Variants in EYA2 observed in about 807,000 individuals in gnomAD.
EYA2 encodes the protein EYA transcriptional coactivator and phosphatase 2, also known as protein phosphatase EYA2.
In EYA2, 31 loss-of-function variants were observed where a neutral mutation model predicts 69.2. That is an observed-to-expected ratio of 0.45 (90% CI 0.34 to 0.60). EYA2 has a LOEUF of 0.60. Among genes scored for constraint, EYA2 ranks in the 20% least tolerant of loss-of-function variants. The probability of loss-of-function intolerance (pLI) is 0.02; values close to 1 mark genes in which losing one functional copy is unlikely to be tolerated. For missense variants in EYA2, 622 were observed against 701.2 expected (o/e 0.89, Z 1.28); for synonymous variants, 257 against 279.4 (o/e 0.92, Z 0.80).
chr20:46,963,236 T>C (rs1177852926), intron 1 of EYA2, among the ~76,000 whole-genome samples: 1 of 152,210 alleles, frequency 6.6e-6, no homozygotes, highest in African/African-American at 2.4e-5. Context: ...CTTGTCTCAG[T>C]GTCTGCTCCT....
At position 46,905,630 on chromosome 20, in the gene EYA2, C is replaced by T. The variant is rs1004536699; in HGVS notation, c.-11+10643C>T. On this transcript the variant is annotated intron_variant, in intron 1 of 15. Transcript: ENST00000327619. The stretch of plus-strand genomic sequence containing the variant: ...GAAGTGACTTCCTCCTCAGACCAGG[C>T]CAGGCCCTTGGCTATGGTGTGGGAC... Among the ~76,000 whole-genome samples, 3 of 152,188 alleles carry T rather than the reference C, an allele frequency of 2.0e-5. No individual in the cohort carries two copies. In the South Asian group the frequency reaches 6.2e-4, roughly 32 times the overall value.
At chr20:46,923,089 C>G (rs905241552) in intron 1 of EYA2, among the ~76,000 whole-genome samples, 3 of 152,168 alleles carry the variant, frequency 2.0e-5, no homozygotes, top group African/African-American at 7.2e-5. Flanking sequence ...TAGATGAGGC[C>G]GGGCACGGTG....
chr20:47,051,462 C>G (rs890511459), intron 5 of EYA2, among the ~76,000 whole-genome samples: 1 of 152,198 alleles, frequency 6.6e-6, no homozygotes, highest in Non-Finnish European at 1.5e-5. Context: ...AGATGAAGAA[C>G]AAGCCCCCGA....
At chr20:47,062,347 T>G (rs1377638648) in intron 5 of EYA2, among the ~76,000 whole-genome samples, 1 of 152,218 alleles carries the variant, frequency 6.6e-6, no homozygotes, top group East Asian at 1.9e-4. Flanking sequence ...GATCTGGAGT[T>G]GAACAGGCCC....
intron 5 of EYA2, among the ~76,000 whole-genome samples, chr20:47,031,807 A>G (rs1297368248): frequency 6.6e-6 from 1 of 152,110 alleles, no homozygotes; most frequent in Non-Finnish European, 1.5e-5. Flanking sequence ...CCATCTGATC[A>G]TTGGCAGGGG....
intron 1 of EYA2, among the ~76,000 whole-genome samples, chr20:46,930,485 C>G (rs1985619441): frequency 6.6e-6 from 1 of 151,956 alleles, no homozygotes; most frequent in African/African-American, 2.4e-5. Context: ...ACACGAAGCT[C>G]AGTTGTCCTC....
chr20:46,924,435 C>T (rs1600548116), intron 1 of EYA2, among the ~76,000 whole-genome samples: 1 of 152,228 alleles, frequency 6.6e-6, no homozygotes, highest in Admixed American at 6.5e-5. Context: ...CTTTGGGAGG[C>T]CGAGGTGGGT....
At chr20:47,010,706 A>AT (rs1568722345) in intron 4 of EYA2, among the ~76,000 whole-genome samples, 19 of 148,950 alleles carry the variant, frequency 1.3e-4, no homozygotes, top group African/African-American at 3.7e-4. Context: ...TACAAATATA[A>AT]ATATAATATA....
intron 1 of EYA2, among the ~76,000 whole-genome samples, chr20:46,986,417 C>CTA (rs375276401): frequency 1.4e-4 from 19 of 139,276 alleles, no homozygotes; most frequent in South Asian, 1.3e-3. Flanking sequence ...TATATAATAT[C>CTA]TATATATATA....
At position 47,042,847 on chromosome 20, in the gene EYA2, C is replaced by T. The variant is rs972219703; in HGVS notation, c.415+26550C>T. Among the ~76,000 whole-genome samples the T allele has an allele frequency of 2.0e-5, 3 of 152,190 alleles. No individual in the cohort carries two copies. The South Asian group carries it at 6.2e-4, about 32-fold the overall frequency. ...AGAAAAGCAAGAAGGAGCAATGCCA[C>T]AATCAGGAAAGCCGAAGTTTTCAGG... On this transcript the variant is annotated intron_variant, in intron 5 of 15. Transcript: ENST00000327619.
In EYA2 at chr20:47,157,467, G is replaced by A. The variant is rs184855008; in HGVS notation, c.979-11672G>A. Among the ~76,000 whole-genome samples the A allele has an allele frequency of 3.2e-3, 478 of 151,268 alleles. 1 individual carries two copies. Among genetic ancestry groups the A allele is most frequent in the Non-Finnish European group, 5.1e-3 (344 of 67,908 alleles). On this transcript the variant is annotated intron_variant, in intron 10 of 15. Coordinates refer to ENST00000327619, the MANE Select transcript of EYA2 (RefSeq NM_005244.5). ...TAAATGACATTTGTTAGAAAAACAGGAAAATTCATAAGAATAATTGGAAAG... is the reference window on the plus strand; with the variant it reads ...TAAATGACATTTGTTAGAAAAACAGAAAAATTCATAAGAATAATTGGAAAG...
At chr20:47,185,080 C>T (rs975568277) in intron 15 of EYA2, among the ~76,000 whole-genome samples, 4 of 152,036 alleles carry the variant, frequency 2.6e-5, no homozygotes, top group Non-Finnish European at 5.9e-5. Flanking sequence ...AAAATATGGC[C>T]GCAGGACCAG....
chr20:47,055,793 A>G (rs1217003305), intron 5 of EYA2, among the ~76,000 whole-genome samples: 1 of 152,222 alleles, frequency 6.6e-6, no homozygotes, highest in Non-Finnish European at 1.5e-5. Context: ...ACTGAAATCA[A>G]CAAACATAAA....
chr20:46,912,206 A>C (rs569469792), intron 1 of EYA2, among the ~76,000 whole-genome samples: 3 of 152,338 alleles, frequency 2.0e-5, no homozygotes, highest in Admixed American at 6.5e-5. Flanking sequence ...GCTGAGGCTT[A>C]GTGAGTTTCA....
At chr20:46,967,372 G>C (rs530915617) in intron 1 of EYA2, among the ~76,000 whole-genome samples, 1 of 152,354 alleles carries the variant, frequency 6.6e-6, no homozygotes, top group East Asian at 1.9e-4. Context: ...AGTCTAAAGA[G>C]AGAGATAAGC....
intron 1 of EYA2, among the ~76,000 whole-genome samples, chr20:46,984,825 A>G (rs1981079865): frequency 6.6e-6 from 1 of 152,236 alleles, no homozygotes; most frequent in South Asian, 2.1e-4. Flanking sequence ...TGTTCATTGC[A>G]GCATTGTTTA....
chr20:47,149,715 G>A lies in EYA2; in HGVS notation c.978+6567G>A, dbSNP rs149515631. Among the ~76,000 whole-genome samples, 636 of 142,828 alleles carry A rather than the reference G, an allele frequency of 4.5e-3. 30 individuals carry two copies. In the East Asian group the frequency reaches 0.089, roughly 20 times the overall value. The allele number at this position is 142,828 out of a possible 152,430, so 93.7% of individuals were successfully genotyped here. A position where few individuals can be genotyped will look rare whatever the true frequency, so the allele number is the denominator to read the frequency against. ...AAAAAAAAAAAAAAAAAAAAAATTA[G>A]CCAAGCAGGGTGGCGTGCACCTGTA... On this transcript the variant is annotated intron_variant, in intron 10 of 15. Transcript: ENST00000327619.
chr20:47,172,782 C>A lies in EYA2; in HGVS notation c.1113C>A (p.His371Gln). 2 of 1,614,098 alleles carry A rather than the reference C, an allele frequency of 1.2e-6. No homozygotes were observed. The highest frequency in any genetic ancestry group is 1.7e-6 in the Non-Finnish European group (2 of 1,179,996). The change falls in exon 12 of 16, where the codon CAC (histidine) becomes CAA (glutamine). Residue 371 changes from histidine (H) to glutamine (Q), a missense_variant. Physicochemically the swap from His to Gln is conservative, Grantham distance 24. This residue lies in a region of EYA2 where 257 missense variants were observed against 351.5 expected (regional missense o/e 0.73). Transcript: ENST00000327619. Reference sequence around the variant, plus strand: ...ACCTGTGCCTGGGCTCTGGCGTGCACGGCGGCGTGGACTGGATGAGGAAGC... The same window carrying A: ...ACCTGTGCCTGGGCTCTGGCGTGCAAGGCGGCGTGGACTGGATGAGGAAGC... ...GANLCLGSGV[H>Q]GGVDWMRKLA... is the part of the protein sequence containing the mutation.
At chr20:47,018,999 G>A (rs1983586735) in intron 5 of EYA2, among the ~76,000 whole-genome samples, 1 of 152,164 alleles carries the variant, frequency 6.6e-6, no homozygotes. Context: ...CACTGCCACT[G>A]CCCTCATCTT....
Sources: gnomAD v4.1 joint callset for allele counts (sites outside exome capture counted in the v4.1 genomes callset) on GRCh38, gnomAD v4.1.1 for gene constraint, gnomAD v4.1.1 regional missense constraint, MANE v1.5 for transcripts, NCBI Gene and HGNC (gene_info 2026-07-23, HGNC 2026-07-21) for gene names.